Variants in SUGCT observed in about 807,000 individuals in gnomAD.
SUGCT encodes succinyl-CoA:glutarate CoA-transferase.
SUGCT carries 41 observed loss-of-function variants against 55.0 expected under a neutral mutation model. That is an observed-to-expected ratio of 0.74 (90% CI 0.58 to 0.97). The LOEUF (loss-of-function observed/expected upper bound fraction) is 0.97, where lower values mean the gene tolerates loss of function less well. Ranked by LOEUF, SUGCT falls within the 50% of genes least tolerant of loss-of-function variation. The pLI, the probability that SUGCT is intolerant of heterozygous loss-of-function variation, is 0.00. For missense variants in SUGCT, 568 were observed against 547.8 expected (o/e 1.04, Z -0.37); for synonymous variants, 187 against 200.4 (o/e 0.93, Z 0.56).
intron 6 of SUGCT, among the ~76,000 whole-genome samples, chr7:40,199,651 G>T (rs10227386): frequency 0.52 from 78,348 of 151,900 alleles, 20,673 homozygotes; most frequent in Middle Eastern, 0.66. Context: ...AGGAATCCTC[G>T]CCACTACATT....
chr7:40,790,360 AG>A (rs1382515207), intron 13 of SUGCT, among the ~76,000 whole-genome samples: 1 of 152,196 alleles, frequency 6.6e-6, no homozygotes, highest in African/African-American at 2.4e-5. Context: ...AAGTTTCCTG[AG>A]GCCTCCCAAG....
chr7:40,858,333 G>A (rs1252928278), intron 13 of SUGCT, among the ~76,000 whole-genome samples: 5 of 150,082 alleles, frequency 3.3e-5, no homozygotes, highest in African/African-American at 1.2e-4. Flanking sequence ...AATCTGGGAG[G>A]CGGAGGTTGT....
At chr7:40,402,673 C>T (rs1012379808) in intron 9 of SUGCT, among the ~76,000 whole-genome samples, 1 of 151,838 alleles carries the variant, frequency 6.6e-6, no homozygotes, top group East Asian at 1.9e-4. Flanking sequence ...AATGGGAATC[C>T]ATGTATGTAT....
chr7:40,356,030 G>A (rs558808274), intron 9 of SUGCT, among the ~76,000 whole-genome samples: 2 of 152,284 alleles, frequency 1.3e-5, no homozygotes, highest in African/African-American at 2.4e-5. Flanking sequence ...CAGTTGCTCC[G>A]TTAAATGGAT....
chr7:40,639,447 CA>C (rs1800166317), intron 12 of SUGCT, among the ~76,000 whole-genome samples: 1 of 151,720 alleles, frequency 6.6e-6, no homozygotes, highest in Non-Finnish European at 1.5e-5. Context: ...GAGACGGTCA[CA>C]TCAATTACTA....
chr7:40,967,202 C>T, the SUGCT span: 2 of 152,104 alleles, frequency 1.3e-5, no homozygotes, highest in Non-Finnish European at 2.9e-5. Context: ...TATCCAGTAG[C>T]CTCCTCTTCT....
At chr7:40,797,168 CAG>C (rs1292708031) in intron 13 of SUGCT, among the ~76,000 whole-genome samples, 6 of 152,136 alleles carry the variant, frequency 3.9e-5, no homozygotes, top group Non-Finnish European at 7.4e-5. Flanking sequence ...TGAGATGATG[CAG>C]AGTTTCTTTC....
chr7:40,627,860 A>G (rs1276077364), intron 12 of SUGCT, among the ~76,000 whole-genome samples: 1 of 152,206 alleles, frequency 6.6e-6, no homozygotes. Flanking sequence ...TGCCAGGGCT[A>G]AATGGCAGGA....
intron 11 of SUGCT, among the ~76,000 whole-genome samples, chr7:40,471,488 G>T (rs1040989816): frequency 3.3e-5 from 5 of 152,102 alleles, no homozygotes; most frequent in African/African-American, 9.6e-5. Context: ...GTTAACAGCA[G>T]CAATGAAATA....
chr7:40,336,816 C>T (rs575611875), intron 9 of SUGCT, among the ~76,000 whole-genome samples: 8 of 152,080 alleles, frequency 5.3e-5, no homozygotes, highest in Admixed American at 1.3e-4. Flanking sequence ...GCTCTTGCTC[C>T]TCTAGTTCTT....
At chr7:40,383,498 A>G (rs1474999526) in intron 9 of SUGCT, among the ~76,000 whole-genome samples, 2 of 152,236 alleles carry the variant, frequency 1.3e-5, no homozygotes, top group African/African-American at 2.4e-5. Flanking sequence ...CTTACTATAT[A>G]GAAAGGACTG....
the SUGCT span, among the ~76,000 whole-genome samples, chr7:40,877,531 T>C: frequency 1.3e-5 from 2 of 152,200 alleles, no homozygotes; most frequent in African/African-American, 2.4e-5. Flanking sequence ...TTTCTTTTTA[T>C]AAAAATTTCA....
intron 12 of SUGCT, among the ~76,000 whole-genome samples, chr7:40,624,670 A>G (rs1331314631): frequency 6.6e-6 from 1 of 152,038 alleles, no homozygotes; most frequent in African/African-American, 2.4e-5. Flanking sequence ...TCCTATCACG[A>G]GTAGAACTGC....
rs1218720583 is a variant in SUGCT at position 40,436,552 on chromosome 7, TGTG to T, written c.817-12731_817-12729del. Among the ~76,000 whole-genome samples, 5 of 152,304 alleles carry T rather than the reference TGTG, an allele frequency of 3.3e-5. No individual in the cohort carries two copies. The East Asian group carries it at 9.6e-4, about 29-fold the overall frequency. On this transcript the variant is annotated intron_variant, in intron 9 of 13. Transcript: ENST00000335693. ...GATTCTTTGCTTGTAGGTAGTGAAA[TGTG>T]GTGACAGCTTGACTAAAGCTCTGTT...
At chr7:40,908,544 A>G in the SUGCT span, among the ~76,000 whole-genome samples, 1 of 152,154 alleles carries the variant, frequency 6.6e-6, no homozygotes, top group Non-Finnish European at 1.5e-5. Flanking sequence ...GAAAGGCAAC[A>G]TTAGAAATAA....
chr7:40,898,612 T>A, the SUGCT span, among the ~76,000 whole-genome samples: 1 of 151,456 alleles, frequency 6.6e-6, no homozygotes, highest in Non-Finnish European at 1.5e-5. Flanking sequence ...TAGTCCTAGC[T>A]ACGGGGGAAG....
intron 8 of SUGCT, among the ~76,000 whole-genome samples, chr7:40,306,123 C>T (rs954140968): frequency 4.6e-5 from 7 of 152,166 alleles, no homozygotes; most frequent in Non-Finnish European, 8.8e-5. Context: ...CCTTTGCCCC[C>T]GTTAATCTGG....
At chr7:40,950,626 G>A in the SUGCT span, among the ~76,000 whole-genome samples, 9 of 152,148 alleles carry the variant, frequency 5.9e-5, no homozygotes, top group African/African-American at 1.2e-4. Context: ...TTTGAGATAC[G>A]TCCCATCAAT....
rs368884167 is a variant in SUGCT, at chr7:40,838,336, G to T, written c.1154-21980G>T. ...TTTTGATAGGCATTACATCCAACAT[G>T]TGTATCAATTTGAGGAGAATTGACA... On this transcript the variant is annotated intron_variant, in intron 13 of 13. Transcript: ENST00000335693. 3.0e-4 allele frequency among the ~76,000 whole-genome samples: 46 copies of T among 152,304 alleles called. No individual in the cohort carries two copies. The East Asian group carries it at 7.7e-3, about 26-fold the overall frequency.
Sources: allele counts gnomAD v4.1 joint callset (sites outside exome capture counted in the v4.1 genomes callset), GRCh38; gene constraint gnomAD v4.1.1; transcripts MANE v1.5; gene names NCBI Gene and HGNC (gene_info 2026-07-23, HGNC 2026-07-21).